Variants in CCDC92 observed in about 807,000 individuals in gnomAD.
The protein encoded by CCDC92 is coiled-coil domain containing 92, also known as coiled-coil domain-containing protein 92.
CCDC92 carries 12 observed loss-of-function variants against 24.9 expected under a neutral mutation model. The ratio of observed to expected loss-of-function variants is 0.48; its 90% CI spans 0.31 to 0.78. The LOEUF (loss-of-function observed/expected upper bound fraction) is 0.78. Among genes scored for constraint, CCDC92 ranks in the 30% least tolerant of loss-of-function variants. The pLI is 0.05. For missense variants in CCDC92, 399 were observed against 439.4 expected (o/e 0.91, Z 0.82); for synonymous variants, 193 against 196.3 (o/e 0.98, Z 0.14).
chr12:123,937,526 T>G lies in CCDC92; in HGVS notation c.528A>C (p.Ser176=). The change falls in exon 5 of 5, where the codon TCA becomes TCC. Residue 176 remains serine, a synonymous_variant. Coordinates refer to ENST00000238156, the MANE Select transcript of CCDC92 (RefSeq NM_025140.3). This position sits in a 1 kb window ranked among gnomAD's most constrained non-coding sequence, Gnocchi z 8.4. ...CGGGGCTCCCTGACGGGCTGGCATCTGAGGTCCCGCTGGAGCTCATGAGCT... is the reference window on the plus strand; with the variant it reads ...CGGGGCTCCCTGACGGGCTGGCATCGGAGGTCCCGCTGGAGCTCATGAGCT... ...KKKLMSSSGT[S]DASPSGSPVL... The G allele has an allele frequency of 6.2e-7, 1 of 1,612,376 alleles. No individual in the cohort carries two copies.
At position 123,972,579 on chromosome 12, in the gene CCDC92, G is replaced by C. The variant is rs953783363; in HGVS notation, c.-110C>G. 7 of 151,164 alleles carry C rather than the reference G, an allele frequency of 4.6e-5. No homozygotes were observed. Among genetic ancestry groups the C allele is most frequent in the African/African-American group, 1.5e-4 (6 of 41,276 alleles). 9.4% of individuals were successfully genotyped at this position (151,164 alleles called of 1,614,324 possible). ...TCAGGCGGCTGCCCTCTTAGGCTCG[G>C]TCCTCCCGGCGGGCGGCGGTGGGGG... On this transcript the variant is annotated 5_prime_UTR_variant, in exon 1 of 5. Transcript: ENST00000238156.
intron 1 of CCDC92, among the ~76,000 whole-genome samples, chr12:123,965,797 G>A (rs1046528771): frequency 6.6e-6 from 1 of 152,232 alleles, no homozygotes; most frequent in Non-Finnish European, 1.5e-5. Flanking sequence ...GGATGCCAGG[G>A]AAAATCATAT....
At chr12:123,943,529 A>G in intron 2 of CCDC92, 36 bp from the exon 3 acceptor site, 1 of 1,612,220 alleles carries the variant, frequency 6.2e-7, no homozygotes, top group Non-Finnish European at 8.5e-7. Context: ...CGGTGCCTGA[A>G]GAGGGTCCCA....
intron 1 of CCDC92, among the ~76,000 whole-genome samples, chr12:123,953,670 C>T (rs12316080): frequency 0.31 from 47,898 of 152,080 alleles, 7,703 homozygotes; most frequent in Middle Eastern, 0.37. Context: ...CCTAGCTACT[C>T]GGGAGGCTGA....
intron 1 of CCDC92, chr12:123,956,260 T>A (rs1956147986): frequency 6.6e-6 from 1 of 152,058 alleles, no homozygotes; most frequent in Admixed American, 6.5e-5. Context: ...AAAGATAAAC[T>A]TATATTTTTA....
rs759312013 is a variant in CCDC92 at position 123,937,451 on chromosome 12, C to T, written c.603G>A (p.Thr201=). The change falls in exon 5 of 5, where the codon ACG becomes ACA. Residue 201 remains threonine, a synonymous_variant. Transcript: ENST00000238156. This position sits in a 1 kb window ranked among gnomAD's most constrained non-coding sequence, Gnocchi z 8.4. ...PAPPKDKLPE[T]PRRRMKKSLS... ...GGCTCTTTTTCATGCGGCGGCGAGG[C>T]GTTTCGGGTAGCTTGTCTTTGGGGG... The T allele has an allele frequency of 8.1e-6, 13 of 1,613,328 alleles. No homozygotes were observed. The highest frequency in any genetic ancestry group is 6.7e-5 in the Admixed American group (4 of 59,988).
intron 1 of CCDC92, among the ~76,000 whole-genome samples, chr12:123,948,212 A>G (rs576450933): frequency 6.6e-6 from 1 of 152,348 alleles, no homozygotes; most frequent in South Asian, 2.1e-4. Flanking sequence ...GGATGTGCCT[A>G]TATGTAGATG....
intron 1 of CCDC92, among the ~76,000 whole-genome samples, chr12:123,958,650 A>ATGC (rs1025923507): frequency 1.3e-5 from 2 of 152,156 alleles, no homozygotes; most frequent in African/African-American, 4.8e-5. Flanking sequence ...TGCAGTGGTA[A>ATGC]TGCTGCTGCT....
intron 1 of CCDC92, among the ~76,000 whole-genome samples, chr12:123,947,549 G>A (rs553286090): frequency 6.6e-6 from 1 of 152,288 alleles, no homozygotes; most frequent in African/African-American, 2.4e-5. Flanking sequence ...CTAGCTCAGG[G>A]TTTGTGAATG....
rs1225540539 is a variant in CCDC92, at chr12:123,936,062, G to A, written c.*996C>T. 4 of 152,910 alleles carry A rather than the reference G, an allele frequency of 2.6e-5. No individual in the cohort carries two copies. Among genetic ancestry groups the A allele is most frequent in the African/African-American group, 9.6e-5 (4 of 41,464 alleles). 9.5% of individuals were successfully genotyped at this position (152,910 alleles called of 1,614,324 possible). ...ACCCCCAGCCTGCCTGGGTCTGTGT[G>A]GGGTCAGGTAAGGACACAGAACCTC... is the stretch of plus-strand genomic sequence containing the variant. On this transcript the variant is annotated 3_prime_UTR_variant, in exon 5 of 5. Coordinates refer to ENST00000238156, the MANE Select transcript of CCDC92 (RefSeq NM_025140.3).
intron 1 of CCDC92, among the ~76,000 whole-genome samples, chr12:123,961,875 G>A (rs1209423634): frequency 6.6e-6 from 1 of 152,194 alleles, no homozygotes; most frequent in Non-Finnish European, 1.5e-5. Context: ...CACCTAGTAA[G>A]TGGCAGAGGT....
chr12:123,971,454 T>C (rs1252803595), intron 1 of CCDC92: 1 of 151,146 alleles, frequency 6.6e-6, no homozygotes, highest in Non-Finnish European at 1.5e-5. Context: ...GTTTTATCAA[T>C]ACCAATGCTC....
chr12:123,947,749 G>C (rs1427669787), intron 1 of CCDC92, among the ~76,000 whole-genome samples: 1 of 152,094 alleles, frequency 6.6e-6, no homozygotes, highest in Non-Finnish European at 1.5e-5. Flanking sequence ...GATGTGGGTG[G>C]GGCCAGATAA....
intron 1 of CCDC92, among the ~76,000 whole-genome samples, chr12:123,950,356 C>T (rs888421772): frequency 1.3e-5 from 2 of 152,230 alleles, no homozygotes; most frequent in South Asian, 2.1e-4. Context: ...ACTGCTCGCA[C>T]GGAGGCTGGA....
Position 123,972,800 on chromosome 12 carries a change from C to G in CCDC92, c.-331G>C, listed in dbSNP as rs868851732. On this transcript the variant is annotated 5_prime_UTR_variant, in exon 1 of 5. Transcript: ENST00000238156. ...GGCCTGGCCGCGCTGACCCGGCGGG[C>G]TAGGCGCCGGCGCGGCGGCGGGCCT... 2 of 146,492 alleles carry G rather than the reference C, an allele frequency of 1.4e-5. No individual in the cohort carries two copies. The highest frequency in any genetic ancestry group is 1.4e-4 in the Admixed American group (2 of 14,804). 9.1% of individuals were successfully genotyped at this position (146,492 alleles called of 1,614,324 possible).
chr12:123,937,445 G>A lies in CCDC92; in HGVS notation c.609C>T (p.Arg203=), dbSNP rs1296513698. The A allele has an allele frequency of 1.2e-6, 2 of 1,613,534 alleles. No homozygotes were observed. The highest frequency in any genetic ancestry group is 2.2e-5 in the East Asian group (1 of 44,882). ...PPKDKLPETP[R]RRMKKSLSAP... ...CTGAGAGGCTCTTTTTCATGCGGCG[G>A]CGAGGCGTTTCGGGTAGCTTGTCTT... Residue 203 remains arginine (R), a synonymous_variant, in exon 5 of 5, where the codon CGC becomes CGT. Coordinates refer to ENST00000238156, the MANE Select transcript of CCDC92 (RefSeq NM_025140.3). This position sits in a 1 kb window ranked among gnomAD's most constrained non-coding sequence, Gnocchi z 8.4.
Position 123,972,621 on chromosome 12 carries a change from T to TGGGCG in CCDC92, c.-157_-153dup, listed in dbSNP as rs1308957486. The TGGGCG allele has an allele frequency of 6.7e-6, 1 of 148,604 alleles. No individual in the cohort carries two copies. Among genetic ancestry groups the TGGGCG allele is most frequent in the Non-Finnish European group, 1.5e-5 (1 of 66,726 alleles). 9.2% of individuals were successfully genotyped at this position (148,604 alleles called of 1,614,324 possible). On this transcript the variant is annotated 5_prime_UTR_variant, in exon 1 of 5. Coordinates refer to ENST00000238156, the MANE Select transcript of CCDC92 (RefSeq NM_025140.3). ...CGGTGGGGGCCCGTGGCCCATGGGCTGGGCGGGGCGCGGCGGGCGGGGCTG... is the reference window on the plus strand; with the variant it reads ...CGGTGGGGGCCCGTGGCCCATGGGCTGGGCGGGGCGGGGCGCGGCGGGCGGGGCTG...
At chr12:123,951,987 CAA>C (rs750207186) in intron 1 of CCDC92, among the ~76,000 whole-genome samples, 5 of 152,128 alleles carry the variant, frequency 3.3e-5, no homozygotes, top group Non-Finnish European at 7.4e-5. Context: ...CACAATGGGA[CAA>C]AAGAGACTGG....
chr12:123,943,664 A>T (rs1019370743), intron 2 of CCDC92, 171 bp from the exon 3 acceptor site: 2 of 710,982 alleles, frequency 2.8e-6, no homozygotes, highest in Non-Finnish European at 4.7e-6. Context: ...CCATCACTGC[A>T]GGGAGGCCCC....
Sources: gnomAD v4.1 joint callset for allele counts (sites outside exome capture counted in the v4.1 genomes callset) on GRCh38, gnomAD v4.1.1 for gene constraint, Gnocchi (gnomAD v3.1) non-coding constraint, MANE v1.5 for transcripts, NCBI Gene and HGNC (gene_info 2026-07-23, HGNC 2026-07-21) for gene names.